Variants in TENM4 observed in about 807,000 individuals in gnomAD.
The protein encoded by TENM4 is teneurin-4.
In TENM4, 82 loss-of-function variants were observed where a neutral mutation model predicts 243.3. The observed-to-expected ratio is 0.34, with a 90% CI of 0.28 to 0.40. TENM4 has a LOEUF of 0.40. Among genes scored for constraint, TENM4 ranks in the 10% least tolerant of loss-of-function variants. The pLI is 1.00. For synonymous variants in TENM4, 1,412 were observed against 1,456.3 expected, an observed-to-expected ratio of 0.97 and a Z score of 0.69; for missense variants, 3,138 against 3,673.3, an observed-to-expected ratio of 0.85 and a Z score of 3.77.
chr11:79,081,633 C>G (rs929708606), intron 4 of TENM4, among the ~76,000 whole-genome samples: 3 of 151,960 alleles, frequency 2.0e-5, no homozygotes, highest in Non-Finnish European at 4.4e-5. Context: ...TATTGTAACT[C>G]TGTTCACCAG....
chr11:79,213,877 T>C (rs779864610), intron 3 of TENM4, among the ~76,000 whole-genome samples: 4 of 152,182 alleles, frequency 2.6e-5, no homozygotes, highest in African/African-American at 4.8e-5. Context: ...AATGGGGTCA[T>C]AAGAATACCT....
intron 3 of TENM4, among the ~76,000 whole-genome samples, chr11:79,166,401 G>A (rs997313424): frequency 7.9e-5 from 12 of 152,158 alleles, no homozygotes; most frequent in Admixed American, 7.9e-4. Flanking sequence ...TTGGTGCCAG[G>A]TACTATGCTT....
At chr11:79,032,028 G>T (rs1038799608) in intron 6 of TENM4, among the ~76,000 whole-genome samples, 10 of 152,160 alleles carry the variant, frequency 6.6e-5, no homozygotes, top group African/African-American at 2.4e-4. Context: ...GAGTACCACT[G>T]CTCCCTTGAT....
intron 4 of TENM4, among the ~76,000 whole-genome samples, chr11:79,144,767 G>A (rs915104396): frequency 6.6e-6 from 1 of 152,046 alleles, no homozygotes; most frequent in Non-Finnish European, 1.5e-5. Flanking sequence ...ATGTAAGGAT[G>A]ATTACCAGAG....
intron 3 of TENM4, among the ~76,000 whole-genome samples, chr11:79,210,674 G>A (rs1377696746): frequency 6.6e-6 from 1 of 152,168 alleles, no homozygotes; most frequent in Non-Finnish European, 1.5e-5. Context: ...TTATCCATCT[G>A]AAAATGGGGA....
chr11:78,825,370 G>A (rs904322572), intron 12 of TENM4, among the ~76,000 whole-genome samples: 1 of 152,190 alleles, frequency 6.6e-6, no homozygotes, highest in East Asian at 1.9e-4. Context: ...GTTTACTCCT[G>A]TATAAGCTCT....
rs184884030 is a variant in TENM4 at position 79,221,610 on chromosome 11, G to A, written c.-264-5701C>T. 2.4e-4 allele frequency among the ~76,000 whole-genome samples: 37 copies of A among 151,866 alleles called. No homozygotes were observed. In the East Asian group the frequency reaches 2.9e-3, roughly 12 times the overall value. On this transcript the variant is annotated intron_variant, in intron 2 of 33. Coordinates refer to ENST00000278550, the MANE Select transcript of TENM4 (RefSeq NM_001098816.3). ...CAGAGCCCAGTGGAAATCCCTGTGC[G>A]TGCTCACCCCTGCCTCTCCTCCCAC...
intron 6 of TENM4, among the ~76,000 whole-genome samples, chr11:78,923,447 T>C (rs1856489746): frequency 6.6e-6 from 1 of 152,168 alleles, no homozygotes; most frequent in Non-Finnish European, 1.5e-5. Context: ...CAATGAGTGT[T>C]TCAGGAATGA....
chr11:79,207,684 G>A (rs1003797223), intron 3 of TENM4, among the ~76,000 whole-genome samples: 3 of 151,960 alleles, frequency 2.0e-5, no homozygotes, highest in African/African-American at 7.2e-5. Flanking sequence ...GAGTAACATG[G>A]TGAAACCCCG....
At chr11:78,773,734 G>A (rs1279064787) in intron 17 of TENM4, among the ~76,000 whole-genome samples, 1 of 152,142 alleles carries the variant, frequency 6.6e-6, no homozygotes, top group Non-Finnish European at 1.5e-5. Context: ...ACAAAAATAG[G>A]TGATGGGCCC....
intron 3 of TENM4, among the ~76,000 whole-genome samples, chr11:79,181,949 A>AC (rs1287492463): frequency 9.4e-5 from 2 of 21,364 alleles, no homozygotes; most frequent in African/African-American, 3.1e-4. Context: ...AGATCAAAGA[A>AC]CTAAAAAAAA....
chr11:78,842,697 A>T (rs1012380684), intron 12 of TENM4, among the ~76,000 whole-genome samples: 2 of 152,240 alleles, frequency 1.3e-5, no homozygotes, highest in Admixed American at 1.3e-4. Context: ...CATACATGAG[A>T]GAGGACATGG....
chr11:78,898,492 T>C (rs1398795378), intron 7 of TENM4, among the ~76,000 whole-genome samples: 2 of 152,230 alleles, frequency 1.3e-5, no homozygotes, highest in Non-Finnish European at 2.9e-5. Context: ...GCTCCCATTC[T>C]GGTGGGGACT....
intron 3 of TENM4, among the ~76,000 whole-genome samples, chr11:79,204,253 A>G (rs1171703606): frequency 6.6e-6 from 1 of 152,214 alleles, no homozygotes; most frequent in Non-Finnish European, 1.5e-5. Flanking sequence ...TACACTTTAA[A>G]TGACTGTATG....
chr11:79,195,588 G>A (rs1349994996), intron 3 of TENM4, among the ~76,000 whole-genome samples: 1 of 152,162 alleles, frequency 6.6e-6, no homozygotes, highest in Non-Finnish European at 1.5e-5. Flanking sequence ...GGACTTTCAT[G>A]GGCCCTGTAA....
chr11:79,389,634 T>C (rs535105096), intron 1 of TENM4, among the ~76,000 whole-genome samples: 92 of 152,232 alleles, frequency 6.0e-4, no homozygotes, highest in African/African-American at 2.1e-3. Flanking sequence ...CTAAGAATGG[T>C]TTTTACAGAT....
chr11:79,329,418 T>C (rs561209764), intron 1 of TENM4, among the ~76,000 whole-genome samples: 1 of 152,336 alleles, frequency 6.6e-6, no homozygotes, highest in South Asian at 2.1e-4. Context: ...CCTCAGTTAC[T>C]GGCAATATAG....
At chr11:78,740,050 A>G (rs1005728732) in intron 19 of TENM4, among the ~76,000 whole-genome samples, 2 of 152,248 alleles carry the variant, frequency 1.3e-5, no homozygotes, top group East Asian at 1.9e-4. Context: ...GCTGAAAGAC[A>G]GCTGAGTCAA....
In TENM4 at chr11:78,862,880, T is replaced by G; in HGVS notation, c.1255+82A>C. 3 of 1,271,904 alleles carry G rather than the reference T, an allele frequency of 2.4e-6. No individual in the cohort carries two copies. The South Asian group carries it at 8.4e-5, about 35-fold the overall frequency. 78.8% of individuals were successfully genotyped at this position (1,271,904 alleles called of 1,614,324 possible). A position where few individuals can be genotyped will look rare whatever the true frequency, so the allele number is the denominator to read the frequency against. On this transcript the variant is annotated intron_variant, in intron 10 of 33. Coordinates refer to ENST00000278550, the MANE Select transcript of TENM4 (RefSeq NM_001098816.3). ...AGCATGGAGCTGTGAGCCAGGCACA[T>G]GATGCACGCACGTTATGGAGGGCTC... is the stretch of plus-strand genomic sequence containing the variant.
Sources: gnomAD v4.1 joint callset for allele counts (sites outside exome capture counted in the v4.1 genomes callset) on GRCh38, gnomAD v4.1.1 for gene constraint, MANE v1.5 for transcripts, NCBI Gene and HGNC (gene_info 2026-07-23, HGNC 2026-07-21) for gene names.